The following LRP3 variants were observed in gnomAD, a reference collection of about 807,000 sequenced individuals.
The protein encoded by LRP3 is LDL receptor related protein 3.
In LRP3, 49 loss-of-function variants were observed where a neutral mutation model predicts 58.5. The ratio of observed to expected loss-of-function variants is 0.84; its 90% CI spans 0.67 to 1.06. The LOEUF (loss-of-function observed/expected upper bound fraction) is 1.06. LRP3 is among the 50% of genes least tolerant of loss of function. The probability of loss-of-function intolerance (pLI) is 0.00; values close to 1 mark genes in which losing one functional copy is unlikely to be tolerated. For synonymous variants in LRP3, 485 were observed against 492.2 expected (o/e 0.99, Z 0.20); for missense variants, 1,019 against 1,134.2 (o/e 0.90, Z 1.46).
intron 3 of LRP3, 66 bp downstream of exon 3, chr19:33,203,052 G>A: frequency 2.6e-6 from 4 of 1,524,502 alleles, no homozygotes; most frequent in Non-Finnish European, 2.7e-6. Flanking sequence ...GGGTGAGAAT[G>A]TGTGTGTGTG....
At chr19:33,197,582 G>T (rs1362679589) in intron 2 of LRP3, among the ~76,000 whole-genome samples, 1 of 152,188 alleles carries the variant, frequency 6.6e-6, no homozygotes. Flanking sequence ...GGCTATGACG[G>T]CTCCACCGTG....
intron 2 of LRP3, among the ~76,000 whole-genome samples, chr19:33,200,602 C>T (rs1974331886): frequency 6.6e-6 from 1 of 152,242 alleles, no homozygotes. Flanking sequence ...GTGAGGTCCT[C>T]ATGGCCAGTA....
intron 2 of LRP3, among the ~76,000 whole-genome samples, chr19:33,198,002 A>G (rs1394261921): frequency 1.3e-5 from 2 of 152,030 alleles, no homozygotes; most frequent in Non-Finnish European, 2.9e-5. Flanking sequence ...GTCCTGGTCC[A>G]CACAACTGAT....
chr19:33,194,911 C>A, intron 1 of LRP3, 53 bp downstream of exon 1: 1 of 976,032 alleles, frequency 1.0e-6, no homozygotes, highest in Non-Finnish European at 1.3e-6. Context: ...TGGCAGTCCG[C>A]GCCGCGCCCT....
chr19:33,207,075 G>T lies in LRP3; in HGVS notation c.1813G>T (p.Gly605Cys). Residue 605 changes from glycine (G) to cysteine (C), a missense_variant, in exon 7 of 7, where the codon GGC (glycine) becomes TGC (cysteine). This residue lies in a region of LRP3 where 427 missense variants were observed against 408.6 expected (regional missense o/e 1.04). Transcript: ENST00000253193. ...CCGGGGGCCCTCCCGCCGCCGCCTC[G>T]GCCGCCTCTGGAACCGGCTCTTTCA... ...SRRGPSRRRL[G>C]RLWNRLFHRP... 1 of 1,503,624 alleles carries T rather than the reference G, an allele frequency of 6.7e-7. No homozygotes were observed. Among genetic ancestry groups the T allele is most frequent in the Non-Finnish European group, 8.8e-7 (1 of 1,131,620 alleles). 93.1% of individuals were successfully genotyped at this position (1,503,624 alleles called of 1,614,324 possible).
intron 3 of LRP3, 41 bp downstream of exon 3, chr19:33,203,027 C>A (rs1442542043): frequency 1.2e-6 from 2 of 1,602,482 alleles, no homozygotes; most frequent in African/African-American, 2.7e-5. Flanking sequence ...CAATGTGGGC[C>A]CACGTGCATG....
At position 33,205,810 on chromosome 19, in the gene LRP3, A is replaced by G. The variant is rs1974399641; in HGVS notation, c.1040A>G (p.Tyr347Cys). The G allele has an allele frequency of 6.3e-7, 1 of 1,586,620 alleles. No individual in the cohort carries two copies. Among genetic ancestry groups the G allele is most frequent in the Non-Finnish European group, 8.6e-7 (1 of 1,168,354 alleles). ...GCCCAGGGCCGCCTCACTGTGGCCTACCACGCGCGCGCCCGCAGCGCCGGC... is the reference window on the plus strand; with the variant it reads ...GCCCAGGGCCGCCTCACTGTGGCCTGCCACGCGCGCGCCCGCAGCGCCGGC... Reference protein sequence around the residue: ...EAAQGRLTVAYHARARSAGHG... With the variant: ...EAAQGRLTVACHARARSAGHG... The change falls in exon 5 of 7, where the codon TAC (tyrosine) becomes TGC (cysteine). Residue 347 changes from tyrosine to cysteine, a missense_variant. This residue lies in a region of LRP3 where 592 missense variants were observed against 725.5 expected (regional missense o/e 0.82). Coordinates refer to ENST00000253193, the MANE Select transcript of LRP3 (RefSeq NM_002333.4).
chr19:33,203,655 C>A (rs1225232461), intron 3 of LRP3, among the ~76,000 whole-genome samples: 2 of 152,190 alleles, frequency 1.3e-5, no homozygotes, highest in Non-Finnish European at 2.9e-5. Flanking sequence ...TGTGGGGGGT[C>A]TCAGTCACTC....
At position 33,202,842 on chromosome 19, in the gene LRP3, C is replaced by G. The variant is rs376835066; in HGVS notation, c.122-6C>G. 2 of 1,605,436 alleles carry G rather than the reference C, an allele frequency of 1.2e-6. No individual in the cohort carries two copies. The highest frequency in any genetic ancestry group is 2.2e-5 in the East Asian group (1 of 44,580). ...GCCGGCCTTTCTCGGCCTCCTCTCCCGACAGCGGCCTGCAGTGGGAAGCTG... is the reference window on the plus strand; with the variant it reads ...GCCGGCCTTTCTCGGCCTCCTCTCCGGACAGCGGCCTGCAGTGGGAAGCTG... On this transcript the variant is annotated splice_polypyrimidine_tract_variant and splice_region_variant and intron_variant, in intron 2 of 6. Transcript: ENST00000253193.
intron 2 of LRP3, among the ~76,000 whole-genome samples, chr19:33,199,315 G>A (rs773955075): frequency 1.3e-5 from 2 of 152,164 alleles, no homozygotes; most frequent in East Asian, 3.9e-4. Flanking sequence ...GGTCAAGCAG[G>A]GTTCTTGCCT....
chr19:33,194,876 GCCGGGCAGGT>G lies in LRP3; in HGVS notation c.73+24_73+33del. On this transcript the variant is annotated intron_variant, in intron 1 of 6. Transcript: ENST00000253193. Reference sequence around the variant, plus strand: ...CTGTCTGGGTGAGTGGGCCGCGCGGGCCGGGCAGGTCCGGGTCCCCCGCATGGCAGTCCGC... The same window carrying G: ...CTGTCTGGGTGAGTGGGCCGCGCGGGCCGGGTCCCCCGCATGGCAGTCCGC... 9.0e-7 allele frequency: 1 copy of G among 1,111,078 alleles called. No homozygotes were observed. Among genetic ancestry groups the G allele is most frequent in the Admixed American group, 5.0e-5 (1 of 19,998 alleles). The allele number at this position is 1,111,078 out of a possible 1,614,324, so 68.8% of individuals were successfully genotyped here.
chr19:33,202,120 C>T (rs1266376312), intron 2 of LRP3, among the ~76,000 whole-genome samples: 2 of 151,984 alleles, frequency 1.3e-5, no homozygotes, highest in African/African-American at 2.4e-5. Context: ...CCTGTTTCCT[C>T]ACCTGGTTCC....
chr19:33,206,450 C>G, intron 5 of LRP3, 88 bp downstream of exon 5: 1 of 1,594,350 alleles, frequency 6.3e-7, no homozygotes, highest in Non-Finnish European at 8.5e-7. Context: ...AAACGGGGGC[C>G]TGGACTAGCT....
chr19:33,196,684 C>T (rs928155359), intron 1 of LRP3, 46 bp from the exon 2 acceptor site: 4 of 1,575,482 alleles, frequency 2.5e-6, no homozygotes, highest in Non-Finnish European at 2.6e-6. Context: ...TGCTGGTCCC[C>T]AGCAGGTATG....
rs1168834426 is a variant in LRP3, at chr19:33,194,710, A to AGAGCCG, written c.-69_-64dup. ...CCGAGCCCGAGCCGCAGCCAGAGCC[A>AGAGCCG]GAGCCGGAGCCGCAGCCGGAACCGG... On this transcript the variant is annotated 5_prime_UTR_variant, in exon 1 of 7. Coordinates refer to ENST00000253193, the MANE Select transcript of LRP3 (RefSeq NM_002333.4). 5.8e-4 allele frequency: 243 copies of AGAGCCG among 422,278 alleles called. 1 individual carries two copies. The highest frequency in any genetic ancestry group is 7.2e-4 in the Non-Finnish European group (226 of 315,654). 26.2% of individuals were successfully genotyped at this position (422,278 alleles called of 1,614,324 possible).
intron 2 of LRP3, 58 bp downstream of exon 2, chr19:33,196,835 C>T: frequency 6.5e-7 from 1 of 1,530,860 alleles, no homozygotes; most frequent in Non-Finnish European, 9.1e-7. Flanking sequence ...GGTGAGTGGT[C>T]CCTGAAGACA....
intron 6 of LRP3, 96 bp downstream of exon 6, chr19:33,206,829 T>C (rs948152055): frequency 7.3e-7 from 1 of 1,365,172 alleles, no homozygotes; most frequent in Non-Finnish European, 9.8e-7. Flanking sequence ...AGGCAAGGCC[T>C]GCGCAGGGTG....
In LRP3 at chr19:33,205,403, G is replaced by T. The variant is rs753121884; in HGVS notation, c.633G>T (p.Leu211=). 3.8e-6 allele frequency: 6 copies of T among 1,594,468 alleles called. No homozygotes were observed. The South Asian group carries it at 6.7e-5, about 18-fold the overall frequency. ...CCGCCTCCGAGCCTCCAGGCAGCCT[G>T]TGCCCCGGGGGGACCTTCCCATGCA... ...SAPASEPPGS[L]CPGGTFPCSG... Residue 211 remains leucine (L), a synonymous_variant, in exon 5 of 7, where the codon CTG becomes CTT. Coordinates refer to ENST00000253193, the MANE Select transcript of LRP3 (RefSeq NM_002333.4).
Position 33,203,007 on chromosome 19 carries a change from C to T in LRP3, c.260+21C>T, listed in dbSNP as rs765860506. On this transcript the variant is annotated intron_variant, in intron 3 of 6. Transcript: ENST00000253193. ...ATCAGGTAGGGGCACCCGGGGGTGT[C>T]GGAAGGAATCAATGTGGGCCCACGT... The T allele has an allele frequency of 2.4e-4, 383 of 1,610,080 alleles. 2 individuals carry two copies. Among genetic ancestry groups the T allele is most frequent in the South Asian group, 2.1e-3 (187 of 90,666 alleles).
Sources: gnomAD v4.1 joint callset for allele counts (sites outside exome capture counted in the v4.1 genomes callset) on GRCh38, gnomAD v4.1.1 for gene constraint, gnomAD v4.1.1 regional missense constraint, MANE v1.5 for transcripts, NCBI Gene and HGNC (gene_info 2026-07-23, HGNC 2026-07-21) for gene names.